Variants in ALDOA observed in about 807,000 individuals in gnomAD.
ALDOA encodes the protein fructose-bisphosphate aldolase A.
ALDOA carries 26 observed loss-of-function variants against 43.9 expected under a neutral mutation model. That is an observed-to-expected ratio of 0.59 (90% CI 0.43 to 0.82). The LOEUF (loss-of-function observed/expected upper bound fraction) is 0.82. Ranked by LOEUF, ALDOA falls within the 40% of genes least tolerant of loss-of-function variation. The pLI is 0.00. For synonymous variants in ALDOA, 258 were observed against 222.6 expected (o/e 1.16, Z -1.42); for missense variants, 498 against 549.5 (o/e 0.91, Z 0.94).
At chr16:30,068,776 T>A in intron 5 of ALDOA, 42 bp from the exon 6 acceptor site, 1 of 1,614,192 alleles carries the variant, frequency 6.2e-7, no homozygotes, top group Non-Finnish European at 8.5e-7. Flanking sequence ...GGAAACCACA[T>A]GCCCCTCCCC....
intron 7 of ALDOA, 44 bp from the exon 8 acceptor site, chr16:30,069,452 ATCC>A: frequency 6.2e-7 from 1 of 1,613,820 alleles, no homozygotes; most frequent in Non-Finnish European, 8.5e-7. Context: ...GCTAACCCCT[ATCC>A]TCTCCTCCAC....
At chr16:30,068,615 T>G (rs372686010) in intron 4 of ALDOA, 31 bp from the exon 5 acceptor site, 20 of 1,612,834 alleles carry the variant, frequency 1.2e-5, no homozygotes, top group Non-Finnish European at 1.7e-5. Context: ...TCATTTCCTG[T>G]GTCTTAATGT....
In ALDOA at chr16:30,070,336, GGT is replaced by G. The variant is rs2072284461; in HGVS notation, c.*130_*131del. ...GCGCTCTTTCTTCCCTCGTGACAGT[GGT>G]GTGTGGTGTCGTCTGTGAATGCTAA... On this transcript the variant is annotated 3_prime_UTR_variant, in exon 10 of 10. Transcript: ENST00000642816. 8 of 853,106 alleles carry G rather than the reference GGT, an allele frequency of 9.4e-6. No homozygotes were observed. The highest frequency in any genetic ancestry group is 1.6e-5 in the Non-Finnish European group (8 of 514,300). 52.8% of individuals were successfully genotyped at this position (853,106 alleles called of 1,614,324 possible).
Position 30,068,719 on chromosome 16 carries a change from T to A in ALDOA, c.541+19T>A. Reference sequence around the variant, plus strand: ...ACCCAAGGTGAGAACTGTTTGATTCTCTGCCCTACGAACCCAACCAGAGCA... The same window carrying A: ...ACCCAAGGTGAGAACTGTTTGATTCACTGCCCTACGAACCCAACCAGAGCA... On this transcript the variant is annotated intron_variant, in intron 5 of 9. Transcript: ENST00000642816. 1 of 1,614,242 alleles carries A rather than the reference T, an allele frequency of 6.2e-7. No individual in the cohort carries two copies. Among genetic ancestry groups the A allele is most frequent in the South Asian group, 1.1e-5 (1 of 91,088 alleles).
Position 30,069,528 on chromosome 16 carries a change from T to TAGTACAA in ALDOA, c.816_817insAGTACAA (p.Asp273SerfsTer31). On this transcript the variant is annotated frameshift_variant, in exon 8 of 10. Coordinates refer to ENST00000642816, the MANE Select transcript of ALDOA (RefSeq NM_001243177.4). LOFTEE classifies it high-confidence loss of function. The stretch of plus-strand genomic sequence containing the variant: ...TGGCTGCTGTCTACAAGGCTCTGAG[T>TAGTACAA]GACCACCACATCTACCTGGAAGGCA... 1 of 1,614,102 alleles carries TAGTACAA rather than the reference T, an allele frequency of 6.2e-7. No individual in the cohort carries two copies. Among genetic ancestry groups the TAGTACAA allele is most frequent in the Non-Finnish European group, 8.5e-7 (1 of 1,180,012 alleles).
chr16:30,069,467 C>CCACT, intron 7 of ALDOA, 32 bp from the exon 8 acceptor site: 1 of 1,614,058 alleles, frequency 6.2e-7, no homozygotes, highest in South Asian at 1.1e-5. Context: ...CTCCTCCACC[C>CCACT]CACTACCCAC....
chr16:30,069,060 G>T, intron 6 of ALDOA, 82 bp downstream of exon 6: 1 of 1,591,368 alleles, frequency 6.3e-7, no homozygotes. Flanking sequence ...CTGCCATGAT[G>T]CCTACCTCCC....
chr16:30,068,428 A>G, intron 4 of ALDOA: 1 of 628,826 alleles, frequency 1.6e-6, no homozygotes, highest in Non-Finnish European at 2.9e-6. Flanking sequence ...ATGCAGTTTA[A>G]GGGATTAAGT....
Position 30,069,171 on chromosome 16 carries a change from C to G in ALDOA, c.703-135C>G. 2.3e-6 allele frequency: 3 copies of G among 1,332,138 alleles called. No homozygotes were observed. The South Asian group carries it at 3.7e-5, about 16-fold the overall frequency. 82.5% of individuals were successfully genotyped at this position (1,332,138 alleles called of 1,614,324 possible). A position where few individuals can be genotyped will look rare whatever the true frequency, so the allele number is the denominator to read the frequency against. ...TGGGTGGATCTGAGGCGGCTCTTGT[C>G]TCCTGTAATCTGAGGGCTTTGAAGC... On this transcript the variant is annotated intron_variant, in intron 6 of 9. Transcript: ENST00000642816.
rs2072249604 is a variant in ALDOA at position 30,069,683 on chromosome 16, A to G, written c.961+10A>G. The G allele has an allele frequency of 1.9e-6, 3 of 1,613,150 alleles. No individual in the cohort carries two copies. Among genetic ancestry groups the G allele is most frequent in the African/African-American group, 2.7e-5 (2 of 74,918 alleles). The stretch of plus-strand genomic sequence containing the variant: ...CCCCCCGCTGTCACTGGTGAGGCCC[A>G]CACTCATCTTGATCTCTATGCAGTA... On this transcript the variant is annotated intron_variant, in intron 8 of 9. Transcript: ENST00000642816.
intron 9 of ALDOA, 36 bp from the exon 10 acceptor site, chr16:30,070,081 A>G (rs778192626): frequency 2.3e-5 from 37 of 1,613,496 alleles, no homozygotes; most frequent in Non-Finnish European, 3.1e-5. Flanking sequence ...GGACTCGGAG[A>G]AGAGCCCTTC....
chr16:30,067,012 A>C lies in ALDOA; in HGVS notation c.115A>C (p.Thr39Pro). The C allele has an allele frequency of 6.4e-7, 1 of 1,571,626 alleles. No homozygotes were observed. The highest frequency in any genetic ancestry group is 1.9e-5 in the Admixed American group (1 of 53,422). The change falls in exon 2 of 10, where the codon ACC (threonine) becomes CCC (proline). Residue 39 changes from threonine (T) to proline (P), a missense_variant. By Grantham distance (38) the Thr-to-Pro change is conservative. Coordinates refer to ENST00000642816, the MANE Select transcript of ALDOA (RefSeq NM_001243177.4). The part of the protein sequence containing the change: ...SGQLHPQLGN[T>P]QHQTELGKEL... ...GCAACTCCACCCTCAGCTGGGCAAC[A>C]CCCAGCACCAGACAGAGTTAGGAAA...
Position 30,068,998 on chromosome 16 carries a change from A to G in ALDOA, c.702+20A>G, listed in dbSNP as rs367545015. On this transcript the variant is annotated intron_variant, in intron 6 of 9. Coordinates refer to ENST00000642816, the MANE Select transcript of ALDOA (RefSeq NM_001243177.4). Reference sequence around the variant, plus strand: ...CAGCAGGTGGGCCTGCAGGTCCTCAATAGGCAACCTCCTACCTCATTTGGT... The same window carrying G: ...CAGCAGGTGGGCCTGCAGGTCCTCAGTAGGCAACCTCCTACCTCATTTGGT... 2.0e-5 allele frequency: 33 copies of G among 1,614,034 alleles called. No homozygotes were observed. The highest frequency in any genetic ancestry group is 2.6e-5 in the Non-Finnish European group (31 of 1,180,000).
At chr16:30,068,029 C>T (rs368288087) in intron 4 of ALDOA, 8 of 271,950 alleles carry the variant, frequency 2.9e-5, no homozygotes, top group Non-Finnish European at 2.1e-5. Flanking sequence ...TTAATTGTAA[C>T]TAAGTATTTG....
chr16:30,068,612 C>T (rs747330187), intron 4 of ALDOA, 34 bp from the exon 5 acceptor site: 6 of 1,612,448 alleles, frequency 3.7e-6, no homozygotes, highest in African/African-American at 1.3e-5. Flanking sequence ...AGGTCATTTC[C>T]TGTGTCTTAA....
Position 30,069,977 on chromosome 16 carries a change from GGAA to G in ALDOA, c.1114_1116del (p.Lys372del), listed in dbSNP as rs1177319780. On this transcript the variant is annotated inframe_deletion, in exon 9 of 10. Coordinates refer to ENST00000642816, the MANE Select transcript of ALDOA (RefSeq NM_001243177.4). ...GCCTCTGCCCTGAAGGCCTGGGGCGGGAAGAAGGAGAACCTGAAGGCTGCGCAG... is the reference window on the plus strand; with the variant it reads ...GCCTCTGCCCTGAAGGCCTGGGGCGGGAAGGAGAACCTGAAGGCTGCGCAG... The G allele has an allele frequency of 1.3e-5, 21 of 1,613,794 alleles. No individual in the cohort carries two copies. The highest frequency in any genetic ancestry group is 2.2e-5 in the East Asian group (1 of 44,890).
chr16:30,070,020 G>A lies in ALDOA; in HGVS notation c.1152G>A (p.Lys384=), dbSNP rs1387173481. The A allele has an allele frequency of 1.9e-6, 3 of 1,613,786 alleles. No individual in the cohort carries two copies. In the Admixed American group the frequency reaches 5.0e-5, roughly 27 times the overall value. Residue 384 remains lysine, a synonymous_variant, in exon 9 of 10, where the codon AAG becomes AAA. Coordinates refer to ENST00000642816, the MANE Select transcript of ALDOA (RefSeq NM_001243177.4). ...AGGCTGCGCAGGAGGAGTATGTCAA[G>A]CGAGCCCTGGTAAGGATAGGCAGGA... ...NLKAAQEEYV[K]RALANSLACQ...
chr16:30,067,988 TACTAAGTGA>T (rs2151016714), intron 4 of ALDOA: 1 of 391,338 alleles, frequency 2.6e-6, no homozygotes, highest in South Asian at 3.0e-5. Flanking sequence ...AGAGGATTGT[TACTAAGTGA>T]ACTAAGTGAA....
At chr16:30,067,766 G>A (rs2072174268) in intron 4 of ALDOA, 105 bp downstream of exon 4, 2 of 1,334,484 alleles carry the variant, frequency 1.5e-6, no homozygotes, top group Admixed American at 1.7e-5. Flanking sequence ...CTAGAGACTT[G>A]CATGGAGCCT....
Sources: gnomAD v4.1 joint callset for allele counts on GRCh38, gnomAD v4.1.1 for gene constraint, MANE v1.5 for transcripts, NCBI Gene and HGNC (gene_info 2026-07-23, HGNC 2026-07-21) for gene names.